RBM20: variants seen among roughly 807,000 people sequenced by gnomAD.
The protein encoded by RBM20 is RNA binding motif protein 20, also known as RNA-binding protein 20.
In RBM20, 51 loss-of-function variants were observed where a neutral mutation model predicts 110.1. The ratio of observed to expected loss-of-function variants is 0.46; its 90% CI spans 0.37 to 0.59. The LOEUF is 0.59. Among genes scored for constraint, RBM20 ranks in the 20% least tolerant of loss-of-function variants. The pLI is 0.00. For synonymous variants in RBM20, 589 were observed against 618.2 expected, an observed-to-expected ratio of 0.95 and a Z score of 0.70; for missense variants, 1,512 against 1,574.9, an observed-to-expected ratio of 0.96 and a Z score of 0.68.
At chr10:110,720,627 T>C (rs573957038) in intron 1 of RBM20, among the ~76,000 whole-genome samples, 9 of 151,968 alleles carry the variant, frequency 5.9e-5, no homozygotes, top group African/African-American at 2.2e-4. Flanking sequence ...CTTGGATCCC[T>C]GCAGTGCCTG....
At chr10:110,666,265 C>T (rs1054756871) in intron 1 of RBM20, among the ~76,000 whole-genome samples, 1 of 152,164 alleles carries the variant, frequency 6.6e-6, no homozygotes, top group African/African-American at 2.4e-5. Flanking sequence ...CAGAACAAGA[C>T]ATCAGCTCAG....
At chr10:110,659,736 TTTCCTC>T (rs1350824332) in intron 1 of RBM20, among the ~76,000 whole-genome samples, 6 of 152,004 alleles carry the variant, frequency 3.9e-5, no homozygotes, top group Non-Finnish European at 7.4e-5. Flanking sequence ...TTTTCTTTCC[TTTCCTC>T]TTCCTCTTCT....
chr10:110,780,622 T>A (rs1488211110), intron 1 of RBM20, among the ~76,000 whole-genome samples, 179 bp from the exon 2 acceptor site: 1 of 4,896 alleles, frequency 2.0e-4, no homozygotes, highest in Non-Finnish European at 1.1e-3. Context: ...CCATTGGAGT[T>A]TTTTTTTTTT....
Position 110,825,085 on chromosome 10 carries a change from C to T in RBM20, c.3451+1471C>T, listed in dbSNP as rs563503650. On this transcript the variant is annotated intron_variant, in intron 12 of 13. Transcript: ENST00000369519. ...GATAAATTTGCTGCACAGCATCTCC[C>T]AAGACAAAAACATAAGAAAGAAGGA... 2.0e-5 allele frequency among the ~76,000 whole-genome samples: 3 copies of T among 151,956 alleles called. No homozygotes were observed. The South Asian group carries it at 6.2e-4, about 32-fold the overall frequency.
Position 110,780,329 on chromosome 10 carries a change from T to C in RBM20, c.192-472T>C, listed in dbSNP as rs141413223. ...TAGTATAGTATTAAGCATCTTTGGG[T>C]ATCAAATTTTGTCTGCATTTGAGCT... On this transcript the variant is annotated intron_variant, in intron 1 of 13. Transcript: ENST00000369519. Among the ~76,000 whole-genome samples the C allele has an allele frequency of 9.6e-4, 146 of 152,336 alleles. 1 individual carries two copies. The highest frequency in any genetic ancestry group is 2.7e-3 in the African/African-American group (111 of 41,572).
In RBM20 at chr10:110,784,832, A is replaced by G. The variant is rs1844400353; in HGVS notation, c.1470A>G (p.Pro490=). 6.4e-7 allele frequency: 1 copy of G among 1,551,306 alleles called. No homozygotes were observed. The highest frequency in any genetic ancestry group is 8.7e-7 in the Non-Finnish European group (1 of 1,146,700). Residue 490 remains proline (P), a synonymous_variant, in exon 5 of 14, where the codon CCA becomes CCG. Transcript: ENST00000369519. ...TTGGAACATCATACGTGCCCATTCC[A>G]GCAAGGTCATTCACTCAGTCAAGCC... ...SNLGTSYVPI[P]ARSFTQSSPT...
chr10:110,830,593 A>C (rs1845038209), intron 12 of RBM20, among the ~76,000 whole-genome samples: 1 of 136,188 alleles, frequency 7.3e-6, no homozygotes, highest in East Asian at 2.2e-4. Flanking sequence ...CCTTTTATTT[A>C]CTTTTTTTTC....
At chr10:110,683,373 C>T (rs914933894) in intron 1 of RBM20, among the ~76,000 whole-genome samples, 6 of 152,124 alleles carry the variant, frequency 3.9e-5, no homozygotes, top group African/African-American at 1.4e-4. Flanking sequence ...TAAGAGTGTC[C>T]GCATTAGAGC....
chr10:110,731,216 T>G (rs1333895631), intron 1 of RBM20, among the ~76,000 whole-genome samples: 1 of 152,374 alleles, frequency 6.6e-6, no homozygotes, highest in Non-Finnish European at 1.5e-5. Flanking sequence ...GATTCCTCCC[T>G]CCTTTCTTAT....
chr10:110,779,229 A>G (rs1432567763), intron 1 of RBM20, among the ~76,000 whole-genome samples: 4 of 152,174 alleles, frequency 2.6e-5, no homozygotes, highest in Non-Finnish European at 2.9e-5. Context: ...TTTCAGCCTC[A>G]CCCCTAACCT....
At chr10:110,688,433 A>G (rs1420314105) in intron 1 of RBM20, among the ~76,000 whole-genome samples, 2 of 152,234 alleles carry the variant, frequency 1.3e-5, no homozygotes, top group African/African-American at 4.8e-5. Context: ...AATAAAAAAG[A>G]TTCTAAATTT....
At chr10:110,751,375 C>T (rs1843851303) in intron 1 of RBM20, among the ~76,000 whole-genome samples, 1 of 152,138 alleles carries the variant, frequency 6.6e-6, no homozygotes, top group African/African-American at 2.4e-5. Context: ...TTCACAAAGC[C>T]CCTAATTCTG....
chr10:110,765,396 C>T (rs975825318), intron 1 of RBM20, among the ~76,000 whole-genome samples: 1 of 151,842 alleles, frequency 6.6e-6, no homozygotes, highest in Admixed American at 6.6e-5. Flanking sequence ...GGGGATATTT[C>T]GCCAAGAAAC....
chr10:110,781,231 G>C lies in RBM20; in HGVS notation c.622G>C (p.Gly208Arg). The change falls in exon 2 of 14, where the codon GGC (glycine) becomes CGC (arginine). Residue 208 changes from glycine to arginine, a missense_variant. Gly to Arg is a moderately radical substitution (Grantham distance 125, BLOSUM62 -2). Transcript: ENST00000369519. The stretch of plus-strand genomic sequence containing the variant: ...CACTGGGGTAATGCCTCAGACCCCT[G>C]GCCAGCCAGCAGTCATCTTGGGCAT... Reference protein sequence around the residue: ...PFTGVMPQTPGQPAVILGIGK... With the variant: ...PFTGVMPQTPRQPAVILGIGK... The C allele has an allele frequency of 6.4e-7, 1 of 1,551,652 alleles. No homozygotes were observed. Among genetic ancestry groups the C allele is most frequent in the Non-Finnish European group, 8.7e-7 (1 of 1,147,008 alleles).
At chr10:110,722,442 T>G (rs1843519876) in intron 1 of RBM20, among the ~76,000 whole-genome samples, 1 of 152,080 alleles carries the variant, frequency 6.6e-6, no homozygotes, top group African/African-American at 2.4e-5. Context: ...AGTCCGTAGT[T>G]TACAGTGGGG....
At chr10:110,657,470 T>G (rs951984822) in intron 1 of RBM20, among the ~76,000 whole-genome samples, 3 of 152,238 alleles carry the variant, frequency 2.0e-5, no homozygotes, top group African/African-American at 7.2e-5. Context: ...GAATGTCTAC[T>G]CAAATCTATC....
At chr10:110,694,396 T>A (rs1374892437) in intron 1 of RBM20, among the ~76,000 whole-genome samples, 1 of 152,232 alleles carries the variant, frequency 6.6e-6, no homozygotes, top group African/African-American at 2.4e-5. Context: ...TTGTTGGGGC[T>A]GGGCTAGCTC....
Position 110,837,492 on chromosome 10 carries a change from C to T in RBM20, c.*1514C>T, listed in dbSNP as rs1345241685. On this transcript the variant is annotated 3_prime_UTR_variant, in exon 14 of 14. Coordinates refer to ENST00000369519, the MANE Select transcript of RBM20 (RefSeq NM_001134363.3). ...TAAAACAAGGAAGACAGGTCACTCTCCCCTAGGCAGTTCCTGTTGTTTCTG... is the reference window on the plus strand; with the variant it reads ...TAAAACAAGGAAGACAGGTCACTCTTCCCTAGGCAGTTCCTGTTGTTTCTG... 4 of 152,214 alleles carry T rather than the reference C, an allele frequency of 2.6e-5. No homozygotes were observed. The highest frequency in any genetic ancestry group is 4.8e-5 in the African/African-American group (2 of 41,442). 9.4% of individuals were successfully genotyped at this position (152,214 alleles called of 1,614,324 possible). A position where few individuals can be genotyped will look rare whatever the true frequency, so the allele number is the denominator to read the frequency against.
intron 1 of RBM20, among the ~76,000 whole-genome samples, chr10:110,704,574 A>T (rs1321066352): frequency 1.3e-5 from 2 of 152,236 alleles, no homozygotes; most frequent in Non-Finnish European, 2.9e-5. Context: ...AGTATTTGTT[A>T]AATAAATTAA....
Sources: allele counts gnomAD v4.1 joint callset (sites outside exome capture counted in the v4.1 genomes callset), GRCh38; gene constraint gnomAD v4.1.1; transcripts MANE v1.5; gene names NCBI Gene and HGNC (gene_info 2026-07-23, HGNC 2026-07-21).